The following GALNT16 variants were observed in gnomAD, a reference collection of about 807,000 sequenced individuals.
The protein encoded by GALNT16 is polypeptide N-acetylgalactosaminyltransferase 16, also known as UDP-GalNAc:polypeptide N-acetylgalactosaminyltransferase-like protein 1.
Under a neutral mutation model 76.1 loss-of-function variants are expected in GALNT16, and 40 were observed. That is an observed-to-expected ratio of 0.53 (90% CI 0.41 to 0.68). The LOEUF (loss-of-function observed/expected upper bound fraction) is 0.68, where lower values mean the gene tolerates loss of function less well. Among genes scored for constraint, GALNT16 ranks in the 30% least tolerant of loss-of-function variants. The pLI, the probability that GALNT16 is intolerant of heterozygous loss-of-function variation, is 0.00. For synonymous variants in GALNT16, 276 were observed against 285.2 expected, an observed-to-expected ratio of 0.97 and a Z score of 0.32; for missense variants, 621 against 731.9, an observed-to-expected ratio of 0.85 and a Z score of 1.75.
At chr14:69,265,652 A>G (rs2044333374) in intron 1 of GALNT16, among the ~76,000 whole-genome samples, 1 of 152,218 alleles carries the variant, frequency 6.6e-6, no homozygotes, top group African/African-American at 2.4e-5. Flanking sequence ...CTTCCCCATG[A>G]ACAGCAGAGC....
In GALNT16 at chr14:69,331,472, C is replaced by G. The variant is rs751469391; in HGVS notation, c.699C>G (p.Thr233=). The part of the protein sequence containing the change: ...PMLQRVKEDH[T]RVVSPIIDVI... ...TCACATCTCTCTCCTAGGACCACAC[C>G]CGCGTGGTGAGTCCCATCATTGATG... The change falls in exon 7 of 15, where the codon ACC becomes ACG. Residue 233 remains threonine, a synonymous_variant. Coordinates refer to ENST00000448469, the MANE Select transcript of GALNT16 (RefSeq NM_001168368.2). 1.9e-6 allele frequency: 3 copies of G among 1,593,270 alleles called. No homozygotes were observed. The African/African-American group carries it at 4.0e-5, about 21-fold the overall frequency.
chr14:69,321,262 A>C (rs2045178805), intron 2 of GALNT16, among the ~76,000 whole-genome samples: 1 of 151,882 alleles, frequency 6.6e-6, no homozygotes, highest in South Asian at 2.1e-4. Context: ...CACCCCATTG[A>C]CCTCCCTTTC....
chr14:69,374,605 G>C, the GALNT16 span, among the ~76,000 whole-genome samples: 1 of 152,184 alleles, frequency 6.6e-6, no homozygotes, highest in Non-Finnish European at 1.5e-5. Context: ...AAGATACTCA[G>C]GTGTGCAACA....
At chr14:69,360,698 A>AGAAAC (rs2045719268), downstream of GALNT16, among the ~76,000 whole-genome samples, 1 of 152,214 alleles carries the variant, frequency 6.6e-6, no homozygotes, top group Non-Finnish European at 1.5e-5. Context: ...AGAAAAGAAA[A>AGAAAC]GAAATGAAGA....
intron 9 of GALNT16, among the ~76,000 whole-genome samples, chr14:69,336,213 G>A (rs936136884): frequency 3.9e-5 from 6 of 152,104 alleles, no homozygotes; most frequent in Admixed American, 6.5e-5. Context: ...GGGTTCAAGC[G>A]ATTCTCCTGC....
At chr14:69,324,340 A>C (rs2045247681) in intron 2 of GALNT16, among the ~76,000 whole-genome samples, 1 of 151,968 alleles carries the variant, frequency 6.6e-6, no homozygotes, top group Non-Finnish European at 1.5e-5. Context: ...CATACCCCCC[A>C]CCATACGACA....
In GALNT16 at chr14:69,333,125, T is replaced by G. The variant is rs1037875057; in HGVS notation, c.819T>G (p.Pro273=). The G allele has an allele frequency of 1.2e-6, 2 of 1,613,776 alleles. No homozygotes were observed. The highest frequency in any genetic ancestry group is 1.7e-6 in the Non-Finnish European group (2 of 1,179,670). Residue 273 remains proline (P), a synonymous_variant, in exon 8 of 15, where the codon CCT becomes CCG. Transcript: ENST00000448469. The surrounding 1 kb of genome is among the most constrained non-coding windows in gnomAD (Gnocchi z 4.2). Reference sequence around the variant, plus strand: ...TGCATTTCAAGTGGGAGCAGATCCCTCTTGAGCAGAAGATGACCCGGACAG... The same window carrying G: ...TGCATTTCAAGTGGGAGCAGATCCCGCTTGAGCAGAAGATGACCCGGACAG... ...WSLHFKWEQI[P]LEQKMTRTDP...
chr14:69,279,336 TG>T lies in GALNT16; in HGVS notation c.177+18875del, dbSNP rs752937392. On this transcript the variant is annotated intron_variant, in intron 1 of 14. Coordinates refer to ENST00000448469, the MANE Select transcript of GALNT16 (RefSeq NM_001168368.2). Reference sequence around the variant, plus strand: ...ATTACTTACCTTGATTACTGAGTTTTGGGGGGTCCCTTTACATTTGCACCTG... The same window carrying T: ...ATTACTTACCTTGATTACTGAGTTTTGGGGGTCCCTTTACATTTGCACCTG... Among the ~76,000 whole-genome samples, 123 of 152,376 alleles carry T rather than the reference TG, an allele frequency of 8.1e-4. 2 individuals carry two copies. The highest frequency in any genetic ancestry group is 3.9e-4 in the East Asian group (2 of 5,194).
intron 5 of GALNT16, 40 bp downstream of exon 5, chr14:69,326,067 T>C: frequency 6.7e-7 from 1 of 1,500,626 alleles, no homozygotes. Context: ...GGGCCCATCT[T>C]GGTGTCATCC....
chr14:69,293,078 G>GT (rs35570894), intron 1 of GALNT16, among the ~76,000 whole-genome samples: 49,122 of 151,548 alleles, frequency 0.32, 9,064 homozygotes, highest in East Asian at 0.8. Flanking sequence ...CTCCAAGCAG[G>GT]TTTTTTTTTC....
the GALNT16 span, among the ~76,000 whole-genome samples, chr14:69,367,646 A>AG: frequency 7.0e-6 from 1 of 143,446 alleles, no homozygotes; most frequent in Admixed American, 6.9e-5. Context: ...GTGCAAGGCA[A>AG]AAAAAAAAAA....
chr14:69,371,805 G>A, the GALNT16 span, among the ~76,000 whole-genome samples: 164 of 151,810 alleles, frequency 1.1e-3, no homozygotes, highest in African/African-American at 3.4e-3. Flanking sequence ...TTAACCGGGC[G>A]TGGTGGCGTG....
the GALNT16 span, among the ~76,000 whole-genome samples, chr14:69,374,455 T>C: frequency 6.6e-6 from 1 of 152,250 alleles, no homozygotes; most frequent in Non-Finnish European, 1.5e-5. Flanking sequence ...TCACCTACTA[T>C]ATACCAGGCA....
intron 1 of GALNT16, among the ~76,000 whole-genome samples, chr14:69,318,618 TGG>T (rs2061241462): frequency 1.3e-5 from 2 of 152,148 alleles, no homozygotes; most frequent in Admixed American, 1.3e-4. Context: ...TGAATGAGTG[TGG>T]GATGAGGACT....
At chr14:69,262,245 G>T (rs1014441057) in intron 1 of GALNT16, among the ~76,000 whole-genome samples, 4 of 152,216 alleles carry the variant, frequency 2.6e-5, no homozygotes, top group Non-Finnish European at 5.9e-5. Flanking sequence ...GAGAGCACAG[G>T]AGACTGCTGC....
chr14:69,351,194 T>C (rs893543152), intron 14 of GALNT16: 1 of 152,186 alleles, frequency 6.6e-6, no homozygotes, highest in African/African-American at 2.4e-5. Flanking sequence ...GAAGAATAAA[T>C]CTTGTTTACA....
chr14:69,332,729 C>T lies in GALNT16; in HGVS notation c.779-356C>T, dbSNP rs75038853. 3.1e-4 allele frequency: 65 copies of T among 210,924 alleles called. 1 individual carries two copies. The East Asian group carries it at 9.6e-3, about 31-fold the overall frequency. The allele number at this position is 210,924 out of a possible 1,614,324, so 13.1% of individuals were successfully genotyped here. On this transcript the variant is annotated intron_variant, in intron 7 of 14. Transcript: ENST00000448469. ...TCTCCAGGTATCTTCATGGATCTAT[C>T]CTTCATTCAGGTCTCTACTCCAAAG...
chr14:69,283,060 T>G (rs2044564839), intron 1 of GALNT16, among the ~76,000 whole-genome samples: 1 of 152,254 alleles, frequency 6.6e-6, no homozygotes. Context: ...TGGTGTTCAC[T>G]TCTGTACCAC....
Position 69,331,514 on chromosome 14 carries a change from T to A in GALNT16, c.741T>A (p.Asn247Lys), listed in dbSNP as rs2045352255. The change falls in exon 7 of 15, where the codon AAT (asparagine) becomes AAA (lysine). Residue 247 changes from asparagine (N) to lysine (K), a missense_variant. Transcript: ENST00000448469. ...TCATTGATGTCATCAGTCTGGATAATTTTGCCTACCTTGCAGCATCTGCTG... is the reference window on the plus strand; with the variant it reads ...TCATTGATGTCATCAGTCTGGATAAATTTGCCTACCTTGCAGCATCTGCTG... ...SPIIDVISLD[N>K]FAYLAASADL... 1.4e-5 allele frequency: 22 copies of A among 1,611,190 alleles called. No individual in the cohort carries two copies. The highest frequency in any genetic ancestry group is 1.8e-5 in the Non-Finnish European group (21 of 1,177,458).
Sources: allele counts gnomAD v4.1 joint callset (sites outside exome capture counted in the v4.1 genomes callset), GRCh38; gene constraint gnomAD v4.1.1; non-coding constraint Gnocchi (gnomAD v3.1); transcripts MANE v1.5; gene names NCBI Gene and HGNC (gene_info 2026-07-23, HGNC 2026-07-21).